Variants in DMD observed in about 807,000 individuals in gnomAD.
DMD encodes the protein dystrophin, also known as mutant dystrophin.
DMD carries 63 observed loss-of-function variants against 330.1 expected under a neutral mutation model. The observed-to-expected ratio is 0.19, with a 90% confidence interval of 0.16 to 0.24. The LOEUF (loss-of-function observed/expected upper bound fraction) is 0.24, where lower values mean the gene tolerates loss of function less well. DMD is among the 10% of genes least tolerant of loss of function. The pLI, the probability that DMD is intolerant of heterozygous loss-of-function variation, is 1.00. For synonymous variants in DMD, 1,223 were observed against 959.8 expected, an observed-to-expected ratio of 1.27 and a Z score of -5.07; for missense variants, 3,344 against 2,684.1, an observed-to-expected ratio of 1.25 and a Z score of -5.43.
At chrX:33,027,400 C>G (rs1208221893) in intron 1 of DMD, among the ~76,000 whole-genome samples, 1 of 112,507 alleles carries the variant, frequency 8.9e-6, no homozygotes, top group East Asian at 2.8e-4. Context: ...CACAGCCCTT[C>G]TGGCATCATG....
intron 4 of DMD, among the ~76,000 whole-genome samples, chrX:32,836,904 C>T (rs947910772): frequency 4.5e-5 from 5 of 111,550 alleles, no homozygotes; most frequent in Non-Finnish European, 9.4e-5. Context: ...TTACTATTTT[C>T]CTAAGCCTTT....
At chrX:32,693,124 G>A (rs182983912) in intron 9 of DMD, among the ~76,000 whole-genome samples, 4 of 111,411 alleles carry the variant, frequency 3.6e-5, no homozygotes, top group Non-Finnish European at 5.7e-5. Flanking sequence ...ATTTGCCCTT[G>A]TTAGCTTTGA....
intron 2 of DMD, among the ~76,000 whole-genome samples, chrX:32,937,484 T>G (rs781040328): frequency 9.5e-6 from 1 of 104,790 alleles, no homozygotes; most frequent in South Asian, 4.5e-4. Flanking sequence ...GCACTAAGCA[T>G]AACTTTTCCC....
chrX:31,232,525 T>C (rs142525405), intron 63 of DMD, among the ~76,000 whole-genome samples: 684 of 111,156 alleles, frequency 6.2e-3, no homozygotes, highest in Non-Finnish European at 9.8e-3. Flanking sequence ...GACAAGGAGA[T>C]TGGGGCAGGG....
chrX:32,588,354 G>A (rs779371442), intron 13 of DMD, among the ~76,000 whole-genome samples: 2 of 112,107 alleles, frequency 1.8e-5, no homozygotes, highest in East Asian at 5.6e-4. Context: ...CTTGAAATGA[G>A]TTTTCTATAC....
chrX:33,009,965 CAT>C lies in DMD; in HGVS notation c.93+10172_93+10173del, dbSNP rs773900490. Among the ~76,000 whole-genome samples the C allele has an allele frequency of 1.4e-3, 84 of 61,818 alleles. 15 individuals carry two copies. The highest frequency in any genetic ancestry group is 1.9e-3 in the South Asian group (2 of 1,047). The allele number at this position is 61,818 out of a possible 115,157, so 53.7% of individuals were successfully genotyped here. A position where few individuals can be genotyped will look rare whatever the true frequency, so the allele number is the denominator to read the frequency against. On this transcript the variant is annotated intron_variant, in intron 2 of 78. Transcript: ENST00000357033. ...ATACACGTGTGTATGTGTATATACA[CAT>C]ATGTGTGTATACACATGTGTGTATA...
chrX:32,164,363 A>G (rs1198994924), intron 44 of DMD, among the ~76,000 whole-genome samples: 2 of 111,698 alleles, frequency 1.8e-5, no homozygotes, highest in Non-Finnish European at 3.8e-5. Context: ...AGTGATACGA[A>G]CACTGAAGTC....
intron 44 of DMD, among the ~76,000 whole-genome samples, chrX:32,088,443 G>A (rs1795578): frequency 0.2 from 21,141 of 106,207 alleles, 2,063 homozygotes; most frequent in African/African-American, 0.37. Context: ...TTTACCTCCA[G>A]CATATATTCA....
chrX:31,189,649 C>T (rs1304366604), intron 67 of DMD, among the ~76,000 whole-genome samples: 2 of 111,805 alleles, frequency 1.8e-5, no homozygotes. Flanking sequence ...TCCTAAATTG[C>T]AGATTAATTA....
chrX:31,218,002 C>A (rs1220132719), intron 64 of DMD, among the ~76,000 whole-genome samples: 1 of 111,676 alleles, frequency 9.0e-6, no homozygotes, highest in African/African-American at 3.3e-5. Context: ...ACAAGGTTAT[C>A]ACCTCAAATG....
chrX:33,255,121 T>A (rs757054664), intron 1 of DMD, among the ~76,000 whole-genome samples: 1 of 110,988 alleles, frequency 9.0e-6, no homozygotes, highest in Non-Finnish European at 1.9e-5. Context: ...GTAACACTCT[T>A]GATCATGAAC....
chrX:32,851,075 C>T (rs145433150), intron 2 of DMD, among the ~76,000 whole-genome samples: 2 of 112,078 alleles, frequency 1.8e-5, no homozygotes, highest in African/African-American at 6.5e-5. Context: ...CTTTGGGTGA[C>T]TGTGCTCTTT....
chrX:31,711,467 T>A (rs12388402), intron 52 of DMD, among the ~76,000 whole-genome samples: 5 of 111,392 alleles, frequency 4.5e-5, no homozygotes, highest in Non-Finnish European at 9.4e-5. Context: ...TTTTTTTTTA[T>A]TTTTTATTTT....
intron 62 of DMD, among the ~76,000 whole-genome samples, chrX:31,289,251 C>CAAAAA (rs773939250): frequency 5.1e-4 from 12 of 23,505 alleles, no homozygotes; most frequent in African/African-American, 8.8e-4. Context: ...GGTGACAGAG[C>CAAAAA]AAAAAAAAAA....
chrX:32,275,331 C>G (rs903570617), intron 43 of DMD, among the ~76,000 whole-genome samples: 48 of 111,962 alleles, frequency 4.3e-4, no homozygotes, highest in African/African-American at 1.5e-3. Flanking sequence ...TTCTGGCATA[C>G]ATGCCAAGTT....
rs1008176349 is a variant in DMD, at chrX:31,968,288, CT to C, written c.6614+50del. 2.5e-6 allele frequency: 3 copies of C among 1,176,669 alleles called. No individual in the cohort carries two copies. In the African/African-American group the frequency reaches 5.3e-5, roughly 21 times the overall value. ...TCATGAAATATTCTTCTAAAGAAAG[CT>C]TAAAAAGTCTGCTAAAATGTTTTCA... On this transcript the variant is annotated intron_variant, in intron 45 of 78. Coordinates refer to ENST00000357033, the MANE Select transcript of DMD (RefSeq NM_004006.3).
At chrX:32,870,763 C>T (rs1011407963) in intron 2 of DMD, among the ~76,000 whole-genome samples, 3 of 109,905 alleles carry the variant, frequency 2.7e-5, no homozygotes, top group Non-Finnish European at 5.7e-5. Flanking sequence ...ACACCTTATA[C>T]AAAAATTAAC....
intron 52 of DMD, among the ~76,000 whole-genome samples, chrX:31,704,083 C>T (rs187065839): frequency 1.3e-3 from 147 of 111,858 alleles, no homozygotes; most frequent in African/African-American, 4.3e-3. Flanking sequence ...ATTCTTTCCT[C>T]GTTCCAATAA....
At chrX:31,189,221 T>C (rs887561060) in intron 67 of DMD, among the ~76,000 whole-genome samples, 2 of 111,785 alleles carry the variant, frequency 1.8e-5, no homozygotes, top group Non-Finnish European at 3.8e-5. Context: ...GAGAAGGCAA[T>C]TGGCATTTCA....
Sources: allele counts gnomAD v4.1 joint callset (sites outside exome capture counted in the v4.1 genomes callset), GRCh38; gene constraint gnomAD v4.1.1; transcripts MANE v1.5; gene names NCBI Gene and HGNC (gene_info 2026-07-23, HGNC 2026-07-21).